The following PXDNL variants were observed in gnomAD, a reference collection of about 807,000 sequenced individuals.
PXDNL encodes the protein probable oxidoreductase PXDNL.
Under a neutral mutation model 150.8 loss-of-function variants are expected in PXDNL, and 145 were observed. That is an observed-to-expected ratio of 0.96 (90% CI 0.84 to 1.10). The LOEUF is 1.10. PXDNL is among the 50% of genes least tolerant of loss of function. PXDNL has a pLI of 0.00. For synonymous variants in PXDNL, 757 were observed against 725.7 expected, an observed-to-expected ratio of 1.04 and a Z score of -0.69; for missense variants, 2,087 against 1,873.9, an observed-to-expected ratio of 1.11 and a Z score of -2.10.
At chr8:51,763,924 C>T (rs924507433) in intron 1 of PXDNL, among the ~76,000 whole-genome samples, 14 of 152,076 alleles carry the variant, frequency 9.2e-5, no homozygotes, top group African/African-American at 3.4e-4. Flanking sequence ...AATTCTTCAG[C>T]GAAGTCACCT....
chr8:51,574,571 C>T (rs1049029091), intron 3 of PXDNL, among the ~76,000 whole-genome samples: 2 of 151,932 alleles, frequency 1.3e-5, no homozygotes, highest in African/African-American at 4.8e-5. Flanking sequence ...ATTCAAGTTG[C>T]TGAGTGAGCC....
intron 13 of PXDNL, 87 bp downstream of exon 13, chr8:51,426,559 C>A: frequency 1.4e-6 from 1 of 710,668 alleles, no homozygotes; most frequent in East Asian, 2.9e-5. Context: ...AGTAAAAAAT[C>A]AATATGAGAA....
At chr8:51,574,878 A>T (rs539020344) in intron 3 of PXDNL, among the ~76,000 whole-genome samples, 1 of 152,212 alleles carries the variant, frequency 6.6e-6, no homozygotes, top group East Asian at 1.9e-4. Flanking sequence ...AGCATTTGTC[A>T]ACAGCAGAGC....
At chr8:51,444,292 G>A (rs1809621095) in intron 12 of PXDNL, among the ~76,000 whole-genome samples, 1 of 152,012 alleles carries the variant, frequency 6.6e-6, no homozygotes, top group South Asian at 2.1e-4. Flanking sequence ...CAGTGAAGAG[G>A]CAAATTACTG....
At chr8:51,768,737 G>A (rs940500778) in intron 1 of PXDNL, among the ~76,000 whole-genome samples, 4 of 152,138 alleles carry the variant, frequency 2.6e-5, no homozygotes, top group South Asian at 2.1e-4. Context: ...ACAAAACACA[G>A]AAGTGTGGTA....
intron 1 of PXDNL, among the ~76,000 whole-genome samples, chr8:51,723,467 G>A (rs929824887): frequency 6.6e-6 from 1 of 152,188 alleles, no homozygotes; most frequent in Admixed American, 6.5e-5. Flanking sequence ...CTGCACGGGC[G>A]ATATCAGCCT....
intron 3 of PXDNL, among the ~76,000 whole-genome samples, chr8:51,563,555 A>G (rs1490435492): frequency 2.0e-5 from 3 of 152,028 alleles, no homozygotes; most frequent in Non-Finnish European, 4.4e-5. Context: ...TTGAATAGAG[A>G]GAAAAGAATG....
At chr8:51,731,542 C>T (rs1049485275) in intron 1 of PXDNL, among the ~76,000 whole-genome samples, 15 of 152,338 alleles carry the variant, frequency 9.8e-5, no homozygotes, top group Middle Eastern at 3.4e-3. Context: ...GTCCGGAGGA[C>T]GGTGGCCCTC....
intron 5 of PXDNL, among the ~76,000 whole-genome samples, chr8:51,497,006 G>A (rs1309388829): frequency 1.3e-5 from 2 of 152,158 alleles, no homozygotes; most frequent in Non-Finnish European, 2.9e-5. Context: ...AACAAAGCTG[G>A]AGGCATCACC....
chr8:51,784,160 C>T (rs752614130), intron 1 of PXDNL, among the ~76,000 whole-genome samples: 70 of 152,346 alleles, frequency 4.6e-4, no homozygotes, highest in African/African-American at 1.6e-3. Flanking sequence ...AGACTCTCCT[C>T]TCTTTTTCTA....
At chr8:51,708,686 C>G (rs771031565) in intron 1 of PXDNL, among the ~76,000 whole-genome samples, 2 of 152,104 alleles carry the variant, frequency 1.3e-5, no homozygotes, top group Non-Finnish European at 2.9e-5. Flanking sequence ...AGAACCGAAT[C>G]TATGGGAAAG....
In PXDNL at chr8:51,644,335, TATACACACACACAC is replaced by T. The variant is rs1208026375; in HGVS notation, c.236+10340_236+10353del. Among the ~76,000 whole-genome samples, 10 of 48,722 alleles carry T rather than the reference TATACACACACACAC, an allele frequency of 2.1e-4. 1 individual carries two copies. The South Asian group carries it at 3.0e-3, about 14-fold the overall frequency. 32.0% of individuals were successfully genotyped at this position (48,722 alleles called of 152,430 possible). On this transcript the variant is annotated intron_variant, in intron 2 of 22. Transcript: ENST00000356297. ...GCACATTTTTACATATATATATATATATACACACACACACACACACACACACACATATGTATATA... is the reference window on the plus strand; with the variant it reads ...GCACATTTTTACATATATATATATATACACACACACACACATATGTATATA...
intron 19 of PXDNL, among the ~76,000 whole-genome samples, chr8:51,348,609 C>T (rs941466098): frequency 6.6e-6 from 1 of 152,098 alleles, no homozygotes; most frequent in Non-Finnish European, 1.5e-5. Context: ...TTGATTTTAT[C>T]CCTATGCATA....
intron 12 of PXDNL, among the ~76,000 whole-genome samples, chr8:51,427,267 GA>G (rs370560045): frequency 4.5e-4 from 69 of 151,958 alleles, no homozygotes; most frequent in African/African-American, 1.6e-3. Flanking sequence ...CCCCAAATAA[GA>G]AATCCCCAGG....
At chr8:51,367,501 A>G (rs1309540528) in intron 19 of PXDNL, among the ~76,000 whole-genome samples, 1 of 152,210 alleles carries the variant, frequency 6.6e-6, no homozygotes, top group Non-Finnish European at 1.5e-5. Context: ...CTTTTTAGAA[A>G]TAAATCTGAC....
chr8:51,710,705 G>C (rs1157494961), intron 1 of PXDNL, among the ~76,000 whole-genome samples: 4 of 152,128 alleles, frequency 2.6e-5, no homozygotes, highest in Non-Finnish European at 5.9e-5. Flanking sequence ...TTGTCTTTCT[G>C]TGCCTGGCTT....
intron 8 of PXDNL, among the ~76,000 whole-genome samples, chr8:51,463,070 C>A (rs1455244088): frequency 6.6e-6 from 1 of 152,110 alleles, no homozygotes; most frequent in African/African-American, 2.4e-5. Flanking sequence ...TCTTCCCAGA[C>A]AAGCAAATGT....
At chr8:51,344,344 T>C (rs1286291827) in intron 20 of PXDNL, among the ~76,000 whole-genome samples, 1 of 152,064 alleles carries the variant, frequency 6.6e-6, no homozygotes, top group African/African-American at 2.4e-5. Context: ...GGTCTTGAAC[T>C]CCTGGCTTCA....
chr8:51,410,632 AG>A (rs1808604534), intron 16 of PXDNL, among the ~76,000 whole-genome samples: 3 of 152,248 alleles, frequency 2.0e-5, no homozygotes. Context: ...CTGTACTCAC[AG>A]CACAAATAGT....
Sources: gnomAD v4.1 joint callset for allele counts (sites outside exome capture counted in the v4.1 genomes callset) on GRCh38, gnomAD v4.1.1 for gene constraint, MANE v1.5 for transcripts, NCBI Gene and HGNC (gene_info 2026-07-23, HGNC 2026-07-21) for gene names.